Variants in FCRL3 observed in about 807,000 individuals in gnomAD.
The protein encoded by FCRL3 is Fc receptor like 3.
A neutral mutation model predicts 75.0 loss-of-function variants in FCRL3; 89 were observed. The observed-to-expected ratio is 1.19, with a 90% CI of 1.00 to 1.42. The LOEUF (loss-of-function observed/expected upper bound fraction) is 1.42. FCRL3 is among the 40% of genes most tolerant of loss of function. The pLI is 0.00. For missense variants in FCRL3, 946 were observed against 880.0 expected (o/e 1.07, Z -0.95); for synonymous variants, 376 against 348.5 (o/e 1.08, Z -0.88).
At position 157,688,910 on chromosome 1, in the gene FCRL3, A is replaced by C. The variant is rs1655336457; in HGVS notation, c.1810+888T>G. Among the ~76,000 whole-genome samples the C allele has an allele frequency of 2.0e-5, 3 of 152,262 alleles. No individual in the cohort carries two copies. The South Asian group carries it at 6.2e-4, about 32-fold the overall frequency. On this transcript the variant is annotated intron_variant, in intron 10 of 14. Transcript: ENST00000368184. ...CAAAATTCACCTTATCAATAGACTA[A>C]AAAAAATCTCATTACTATCTCAATA... is the stretch of plus-strand genomic sequence containing the variant.
intron 4 of FCRL3, 66 bp from the exon 5 acceptor site, chr1:157,697,985 C>T: frequency 1.3e-6 from 2 of 1,546,462 alleles, no homozygotes; most frequent in Non-Finnish European, 1.7e-6. Context: ...TTCATTTCCA[C>T]CCATGAGGCA....
In FCRL3 at chr1:157,697,682, T is replaced by A; in HGVS notation, c.536A>T (p.Lys179Ile). ...ACCTTGAACTTGGATATTTAGGGGT[T>A]TTGAAGTTACTTCAATGTCAAGTAT... ...FYILDIEVTS[K>I]PLNIQVQELF... The change falls in exon 5 of 15, where the codon AAA becomes ATA. Residue 179 changes from lysine to isoleucine, a missense_variant. Lys to Ile is a moderately radical substitution (Grantham distance 102). Transcript: ENST00000368184. The A allele has an allele frequency of 6.2e-7, 1 of 1,613,912 alleles. No homozygotes were observed. The highest frequency in any genetic ancestry group is 8.5e-7 in the Non-Finnish European group (1 of 1,179,954).
intron 2 of FCRL3, among the ~76,000 whole-genome samples, chr1:157,699,939 CT>C (rs1327609400): frequency 2.0e-5 from 3 of 152,212 alleles, no homozygotes; most frequent in Non-Finnish European, 4.4e-5. Context: ...CCACGGCACA[CT>C]TTATTCTCTC....
chr1:157,685,596 A>G lies in FCRL3; in HGVS notation c.1811-2352T>C, dbSNP rs924380864. ...GACAAAGAAACTTGACACTTGACCA[A>G]ATAGACCTAACACACATCTACAGAA... On this transcript the variant is annotated intron_variant, in intron 10 of 14. Transcript: ENST00000368184. Among the ~76,000 whole-genome samples, 5 of 152,286 alleles carry G rather than the reference A, an allele frequency of 3.3e-5. No homozygotes were observed. The East Asian group carries it at 7.7e-4, about 23-fold the overall frequency.
chr1:157,683,150 A>T lies in FCRL3; in HGVS notation c.1838+67T>A, dbSNP rs571337633. 2.8e-4 allele frequency: 427 copies of T among 1,543,714 alleles called. 6 individuals are homozygous for T. In the South Asian group the frequency reaches 4.4e-3, roughly 16 times the overall value. Reference sequence around the variant, plus strand: ...AATCCATTGAAATTTAAAAAAAAACATAAACAAGTCTCGTGCATATAAATA... The same window carrying T: ...AATCCATTGAAATTTAAAAAAAAACTTAAACAAGTCTCGTGCATATAAATA... On this transcript the variant is annotated intron_variant, in intron 11 of 14. Coordinates refer to ENST00000368184, the MANE Select transcript of FCRL3 (RefSeq NM_052939.4).
In FCRL3 at chr1:157,677,570, A is replaced by G; in HGVS notation, c.*1140T>C. 2.0e-6 allele frequency: 2 copies of G among 985,424 alleles called. No individual in the cohort carries two copies. The highest frequency in any genetic ancestry group is 2.4e-6 in the Non-Finnish European group (2 of 829,906). 61.0% of individuals were successfully genotyped at this position (985,424 alleles called of 1,614,324 possible). ...TTCATTTTTGTCATATTAAAAATTC[A>G]ACACACTGTGGAAAGAGTTTTTGAT... On this transcript the variant is annotated 3_prime_UTR_variant, in exon 15 of 15. Coordinates refer to ENST00000368184, the MANE Select transcript of FCRL3 (RefSeq NM_052939.4).
In FCRL3 at chr1:157,695,482, C is replaced by A. The variant is rs562126966; in HGVS notation, c.1258G>T (p.Glu420Ter). ...SPPILYRFYHEDVTLGNSSAP... is the reference protein window; with the variant it reads ...SPPILYRFYH ...GAGCTGTTCCCCAGGGTGACATCCTCATGATAAAATCGGTACAGGATCGGG... is the reference window on the plus strand; with the variant it reads ...GAGCTGTTCCCCAGGGTGACATCCTAATGATAAAATCGGTACAGGATCGGG... Residue 420 changes from glutamate to a stop codon, truncating the protein, a stop_gained, in exon 8 of 15, where the codon GAG (glutamate) becomes TAG (stop). Transcript: ENST00000368184. LOFTEE classifies it high-confidence loss of function. 1 of 1,614,182 alleles carries A rather than the reference C, an allele frequency of 6.2e-7. No individual in the cohort carries two copies. Among genetic ancestry groups the A allele is most frequent in the African/African-American group, 1.3e-5 (1 of 75,040 alleles).
At position 157,677,194 on chromosome 1, in the gene FCRL3, G is replaced by A. The variant is rs559034287; in HGVS notation, c.*1516C>T. The stretch of plus-strand genomic sequence containing the variant: ...TGTGGCTTAGCTGGCTTTGCTGGTC[G>A]TAATGGAGGACAAAAGTGCCTTCTG... On this transcript the variant is annotated 3_prime_UTR_variant, in exon 15 of 15. Coordinates refer to ENST00000368184, the MANE Select transcript of FCRL3 (RefSeq NM_052939.4). 1.4e-4 allele frequency: 143 copies of A among 1,009,554 alleles called. 2 individuals carry two copies. The Middle Eastern group carries it at 1.5e-3, about 11-fold the overall frequency. The allele number at this position is 1,009,554 out of a possible 1,614,324, so 62.5% of individuals were successfully genotyped here.
Position 157,690,492 on chromosome 1 carries a change from C to A in FCRL3, c.1453G>T (p.Ala485Ser). 1 of 1,614,194 alleles carries A rather than the reference C, an allele frequency of 6.2e-7. No homozygotes were observed. The highest frequency in any genetic ancestry group is 1.1e-5 in the South Asian group (1 of 91,086). Residue 485 changes from alanine (A) to serine (S), a missense_variant, in exon 9 of 15, where the codon GCC becomes TCC. Ala to Ser is a moderately conservative substitution (Grantham distance 99). Coordinates refer to ENST00000368184, the MANE Select transcript of FCRL3 (RefSeq NM_052939.4). ...AGCAGGTCCCCCACCACAGCCTGGG[C>A]CCCGGGAGCCCTGAGGGTGAGGACG... ...RPVLTLRAPGAQAVVGDLLEL... is the reference protein window; with the variant it reads ...RPVLTLRAPGSQAVVGDLLEL...
chr1:157,689,099 T>C (rs1655345903), intron 10 of FCRL3, among the ~76,000 whole-genome samples: 1 of 152,158 alleles, frequency 6.6e-6, no homozygotes. Context: ...AGATCTGGAA[T>C]GTGATAAGAA....
intron 4 of FCRL3, among the ~76,000 whole-genome samples, 197 bp downstream of exon 4, chr1:157,698,187 C>A (rs767520856): frequency 1.2e-4 from 18 of 152,248 alleles, no homozygotes; most frequent in Non-Finnish European, 2.1e-4. Flanking sequence ...GCCCCTGGGT[C>A]ACCCACAATT....
Position 157,697,045 on chromosome 1 carries a change from C to G in FCRL3, c.844+95G>C, listed in dbSNP as rs535756102. On this transcript the variant is annotated intron_variant, in intron 6 of 14. Transcript: ENST00000368184. ...ATTACCAGAATAGCTGGACACTCCTCTCTGTTATGTCCACCATCCTAGGGG... is the reference window on the plus strand; with the variant it reads ...ATTACCAGAATAGCTGGACACTCCTGTCTGTTATGTCCACCATCCTAGGGG... 7.5e-6 allele frequency: 9 copies of G among 1,203,808 alleles called. No homozygotes were observed. In the East Asian group the frequency reaches 1.9e-4, roughly 26 times the overall value. 74.6% of individuals were successfully genotyped at this position (1,203,808 alleles called of 1,614,324 possible).
rs1185739406 is a variant in FCRL3, at chr1:157,697,881, C to T, written c.337G>A (p.Gly113Arg). The change falls in exon 5 of 15, where the codon GGA (glycine) becomes AGA (arginine). Residue 113 changes from glycine to arginine, a missense_variant. By Grantham distance (125) the Gly-to-Arg change is moderately radical. Coordinates refer to ENST00000368184, the MANE Select transcript of FCRL3 (RefSeq NM_052939.4). ...ILQALHPVFE[G>R]DNVILRCQGK... The stretch of plus-strand genomic sequence containing the variant: ...TGACATCTCAGAATGACATTGTCTC[C>T]TTCAAAGACAGGATGTAAAGCCTGC... 3 of 1,613,940 alleles carry T rather than the reference C, an allele frequency of 1.9e-6. No individual in the cohort carries two copies. Among genetic ancestry groups the T allele is most frequent in the South Asian group, 1.1e-5 (1 of 91,080 alleles).
At chr1:157,691,690 TC>T (rs1165996505) in intron 8 of FCRL3, 4 of 151,872 alleles carry the variant, frequency 2.6e-5, no homozygotes, top group Non-Finnish European at 4.4e-5. Flanking sequence ...CAGGGGTGAG[TC>T]TTTTGTATGG....
rs928133839 is a variant in FCRL3, at chr1:157,677,145, A to T, written c.*1565T>A. 2 of 1,011,890 alleles carry T rather than the reference A, an allele frequency of 2.0e-6. No individual in the cohort carries two copies. Among genetic ancestry groups the T allele is most frequent in the Non-Finnish European group, 2.4e-6 (2 of 844,942 alleles). 62.7% of individuals were successfully genotyped at this position (1,011,890 alleles called of 1,614,324 possible). ...CCAGTGGGAGCAGTGTGGATTGATC[A>T]TCACATTTTTTGAGGCCAGCAGCTG... is the stretch of plus-strand genomic sequence containing the variant. On this transcript the variant is annotated 3_prime_UTR_variant, in exon 15 of 15. Transcript: ENST00000368184.
intron 10 of FCRL3, among the ~76,000 whole-genome samples, chr1:157,684,969 G>A (rs969045918): frequency 2.6e-5 from 4 of 152,076 alleles, no homozygotes; most frequent in African/African-American, 7.2e-5. Flanking sequence ...AAGATTTTGA[G>A]AAAAGAAGAG....
intron 13 of FCRL3, among the ~76,000 whole-genome samples, chr1:157,679,830 C>CAAAAAAAAAAAAA (rs1166825112): frequency 4.0e-5 from 2 of 49,914 alleles, no homozygotes; most frequent in Non-Finnish European, 6.5e-5. Flanking sequence ...CCCCATCTCA[C>CAAAAAAAAAAAAA]AAAAAAAAAA....
intron 8 of FCRL3, among the ~76,000 whole-genome samples, chr1:157,694,376 C>T (rs1172547578): frequency 6.6e-6 from 1 of 152,122 alleles, no homozygotes; most frequent in Non-Finnish European, 1.5e-5. Context: ...TTTAATACCT[C>T]CTTAAATCAT....
Position 157,677,957 on chromosome 1 carries a change from T to C in FCRL3, c.*753A>G, listed in dbSNP as rs1654566973. Reference sequence around the variant, plus strand: ...TATTGTCTCGGGGTTAATGGGTGCTTATAAGAATAAAACTGACTGACTAGA... The same window carrying C: ...TATTGTCTCGGGGTTAATGGGTGCTCATAAGAATAAAACTGACTGACTAGA... On this transcript the variant is annotated 3_prime_UTR_variant, in exon 15 of 15. Transcript: ENST00000368184. 2.0e-6 allele frequency: 2 copies of C among 985,172 alleles called. No homozygotes were observed. Among genetic ancestry groups the C allele is most frequent in the African/African-American group, 3.5e-5 (2 of 57,322 alleles). 61.0% of individuals were successfully genotyped at this position (985,172 alleles called of 1,614,324 possible).
Sources: gnomAD v4.1 joint callset for allele counts (sites outside exome capture counted in the v4.1 genomes callset) on GRCh38, gnomAD v4.1.1 for gene constraint, MANE v1.5 for transcripts, NCBI Gene and HGNC (gene_info 2026-07-23, HGNC 2026-07-21) for gene names.